ITFG1: variants seen among roughly 807,000 people sequenced by gnomAD.
ITFG1 encodes the protein integrin alpha FG-GAP repeat containing 1.
In ITFG1, 34 loss-of-function variants were observed where a neutral mutation model predicts 81.8. That is an observed-to-expected ratio of 0.42 (90% CI 0.32 to 0.55). The LOEUF is 0.55. Among genes scored for constraint, ITFG1 ranks in the 20% least tolerant of loss-of-function variants. The probability of loss-of-function intolerance (pLI) is 0.17; values close to 1 mark genes in which losing one functional copy is unlikely to be tolerated. For missense variants in ITFG1, 672 were observed against 755.4 expected (o/e 0.89, Z 1.29); for synonymous variants, 285 against 270.6 (o/e 1.05, Z -0.52).
chr16:47,328,142 T>C (rs949697314), intron 8 of ITFG1, among the ~76,000 whole-genome samples: 2 of 152,102 alleles, frequency 1.3e-5, no homozygotes, highest in African/African-American at 4.8e-5. Context: ...TATGCAGCCA[T>C]AAAAAATGAT....
At position 47,209,201 on chromosome 16, in the gene ITFG1, CA is replaced by C. The variant is rs527978019; in HGVS notation, c.1453+9666del. 2.0e-3 allele frequency among the ~76,000 whole-genome samples: 297 copies of C among 152,044 alleles called. No homozygotes were observed. The Middle Eastern group carries it at 0.031, about 16-fold the overall frequency. On this transcript the variant is annotated intron_variant, in intron 14 of 17. Transcript: ENST00000320640. The stretch of plus-strand genomic sequence containing the variant: ...TGAAATTGGAATATATTTTGTCTAC[CA>C]AACTATATTTACTAAAATGTTTCCT...
intron 14 of ITFG1, among the ~76,000 whole-genome samples, chr16:47,204,949 A>T (rs2151521933): frequency 6.6e-6 from 1 of 152,324 alleles, no homozygotes; most frequent in Middle Eastern, 3.4e-3. Flanking sequence ...GCACTTTGCT[A>T]AACTATCAAA....
intron 5 of ITFG1, among the ~76,000 whole-genome samples, chr16:47,435,872 G>A (rs1395835857): frequency 1.6e-4 from 24 of 152,032 alleles, no homozygotes; most frequent in Non-Finnish European, 7.4e-5. Flanking sequence ...AGCACAAATA[G>A]CTGCAAAATA....
chr16:47,336,001 T>A (rs573919145), intron 8 of ITFG1, among the ~76,000 whole-genome samples: 1 of 152,232 alleles, frequency 6.6e-6, no homozygotes, highest in Admixed American at 6.5e-5. Flanking sequence ...AAATGTCATA[T>A]ACTCATACAA....
At chr16:47,176,943 T>C (rs1233155970) in intron 14 of ITFG1, among the ~76,000 whole-genome samples, 1 of 151,098 alleles carries the variant, frequency 6.6e-6, no homozygotes, top group Non-Finnish European at 1.5e-5. Flanking sequence ...TTCTCATACA[T>C]CTTCTTCTTC....
At chr16:47,270,062 CAA>C (rs1567441677) in intron 10 of ITFG1, among the ~76,000 whole-genome samples, 1 of 151,900 alleles carries the variant, frequency 6.6e-6, no homozygotes, top group Admixed American at 6.6e-5. Context: ...GAACAATTTA[CAA>C]AAAAGGAACT....
At chr16:47,364,086 T>C (rs1968144745) in intron 8 of ITFG1, among the ~76,000 whole-genome samples, 1 of 152,204 alleles carries the variant, frequency 6.6e-6, no homozygotes, top group Non-Finnish European at 1.5e-5. Context: ...GAAAAATGCA[T>C]ATTTTTGATA....
In ITFG1 at chr16:47,270,957, GTTCA is replaced by G. The variant is rs1400061549; in HGVS notation, c.1071-10266_1071-10263del. On this transcript the variant is annotated intron_variant, in intron 10 of 17. Coordinates refer to ENST00000320640, the MANE Select transcript of ITFG1 (RefSeq NM_030790.5). ...GGAAACTTTTGTGAGTGATGGATAT[GTTCA>G]TTATCTTGATTGTGGTGATATTTTA... is the stretch of plus-strand genomic sequence containing the variant. Among the ~76,000 whole-genome samples, 4 of 152,276 alleles carry G rather than the reference GTTCA, an allele frequency of 2.6e-5. No individual in the cohort carries two copies. In the East Asian group the frequency reaches 7.7e-4, roughly 29 times the overall value.
intron 8 of ITFG1, among the ~76,000 whole-genome samples, chr16:47,324,873 A>G (rs1247410080): frequency 1.3e-5 from 2 of 152,200 alleles, no homozygotes; most frequent in African/African-American, 4.8e-5. Flanking sequence ...AGACTCCCAC[A>G]CAATAATAAT....
At chr16:47,171,855 AAT>A (rs1266962868) in intron 14 of ITFG1, among the ~76,000 whole-genome samples, 1 of 152,312 alleles carries the variant, frequency 6.6e-6, no homozygotes, top group African/African-American at 2.4e-5. Context: ...AAAATATATG[AAT>A]AGTTTTGTAT....
At position 47,370,339 on chromosome 16, in the gene ITFG1, G is replaced by A. The variant is rs117738363; in HGVS notation, c.721-4470C>T. 3.7e-4 allele frequency among the ~76,000 whole-genome samples: 57 copies of A among 152,146 alleles called. 1 individual carries two copies. In the East Asian group the frequency reaches 9.1e-3, roughly 24 times the overall value. ...AATAAAATGGTGCTTTTCCGAGGCC[G>A]CCATGGACCAATCCACATGCACTCC... is the stretch of plus-strand genomic sequence containing the variant. On this transcript the variant is annotated intron_variant, in intron 7 of 17. Transcript: ENST00000320640.
At chr16:47,267,450 A>G (rs1375406328) in intron 10 of ITFG1, among the ~76,000 whole-genome samples, 1 of 152,236 alleles carries the variant, frequency 6.6e-6, no homozygotes, top group Non-Finnish European at 1.5e-5. Context: ...GAAACAGACA[A>G]GTTCACAACT....
At chr16:47,255,732 AAGACAG>A (rs1216500305) in intron 12 of ITFG1, among the ~76,000 whole-genome samples, 1 of 152,194 alleles carries the variant, frequency 6.6e-6, no homozygotes, top group Admixed American at 6.5e-5. Flanking sequence ...AAAGACAAAT[AAGACAG>A]AGGCTGCTCT....
chr16:47,371,833 T>C (rs1035736146), intron 7 of ITFG1, among the ~76,000 whole-genome samples: 5 of 152,010 alleles, frequency 3.3e-5, no homozygotes, highest in Admixed American at 3.3e-4. Flanking sequence ...GAAAGAATTA[T>C]CTGGCTCAAA....
Position 47,161,768 on chromosome 16 carries a change from G to A in ITFG1, c.1643C>T (p.Pro548Leu), listed in dbSNP as rs748881612. ...PNSQLIVIPY[P>L]HNVPRSWSAK... ...ACATTACCTTCGAGGGACATTGTGA[G>A]GGTATGGAATGACAATTAGCTGGGA... The change falls in exon 16 of 18, where the codon CCT (proline) becomes CTT (leucine). Residue 548 changes from proline to leucine, a missense_variant. Physicochemically the swap from Pro to Leu is moderately conservative, Grantham distance 98. This residue lies in a region of ITFG1 where 65 missense variants were observed against 103.3 expected (regional missense o/e 0.63). Coordinates refer to ENST00000320640, the MANE Select transcript of ITFG1 (RefSeq NM_030790.5). 4 of 1,609,502 alleles carry A rather than the reference G, an allele frequency of 2.5e-6. No individual in the cohort carries two copies. Among genetic ancestry groups the A allele is most frequent in the Non-Finnish European group, 3.4e-6 (4 of 1,176,086 alleles).
chr16:47,358,660 A>C (rs1157198088), intron 8 of ITFG1, among the ~76,000 whole-genome samples: 1 of 152,244 alleles, frequency 6.6e-6, no homozygotes, highest in Non-Finnish European at 1.5e-5. Context: ...TGAAGGTCTT[A>C]ATATTTCCTA....
At chr16:47,271,891 A>G (rs1966345500) in intron 10 of ITFG1, among the ~76,000 whole-genome samples, 1 of 152,046 alleles carries the variant, frequency 6.6e-6, no homozygotes, top group South Asian at 2.1e-4. Context: ...CCAGAGTTCC[A>G]CCTCTAAAGA....
chr16:47,376,688 T>C (rs960743129), intron 6 of ITFG1, among the ~76,000 whole-genome samples: 2 of 152,160 alleles, frequency 1.3e-5, no homozygotes, highest in African/African-American at 4.8e-5. Context: ...TGTTTTATGC[T>C]TTGAAAAACA....
At chr16:47,275,563 A>G (rs914192782) in intron 10 of ITFG1, among the ~76,000 whole-genome samples, 4 of 152,164 alleles carry the variant, frequency 2.6e-5, no homozygotes, top group African/African-American at 9.7e-5. Flanking sequence ...TAGGAGATCA[A>G]TATATAATCT....
Sources: gnomAD v4.1 joint callset for allele counts (sites outside exome capture counted in the v4.1 genomes callset) on GRCh38, gnomAD v4.1.1 for gene constraint, gnomAD v4.1.1 regional missense constraint, MANE v1.5 for transcripts, NCBI Gene and HGNC (gene_info 2026-07-23, HGNC 2026-07-21) for gene names.